Variants in ATP2B4 observed in about 807,000 individuals in gnomAD.
ATP2B4 encodes the protein ATPase plasma membrane Ca2+ transporting 4.
ATP2B4 carries 39 observed loss-of-function variants against 110.3 expected under a neutral mutation model. That is an observed-to-expected ratio of 0.35 (90% confidence interval 0.27 to 0.46). ATP2B4 has a LOEUF of 0.46. Among genes scored for constraint, ATP2B4 ranks in the 20% least tolerant of loss-of-function variants. The probability of loss-of-function intolerance (pLI) is 1.00; values close to 1 mark genes in which losing one functional copy is unlikely to be tolerated. For synonymous variants in ATP2B4, 538 were observed against 571.7 expected (o/e 0.94, Z 0.84); for missense variants, 1,135 against 1,530.9 (o/e 0.74, Z 4.32).
rs1181425567 is a variant in ATP2B4 at position 203,629,108 on chromosome 1, GA to G, written c.-465+1890del. Among the ~76,000 whole-genome samples the G allele has an allele frequency of 6.6e-6, 1 of 152,178 alleles. No individual in the cohort carries two copies. The highest frequency in any genetic ancestry group is 2.4e-5 in the African/African-American group (1 of 41,436). On this transcript the variant is annotated intron_variant, in intron 1 of 20. Coordinates refer to ENST00000357681, the MANE Select transcript of ATP2B4 (RefSeq NM_001684.5). The surrounding 1 kb of genome is among the most constrained non-coding windows in gnomAD (Gnocchi z 4.6). ...GAGGAGAGCTCATCTCGGGGCTGGG[GA>G]TGCAACAGGAACGATTTGATTTTCA...
At chr1:203,649,941 G>T (rs1170733325) in intron 1 of ATP2B4, among the ~76,000 whole-genome samples, 1 of 152,166 alleles carries the variant, frequency 6.6e-6, no homozygotes, top group Non-Finnish European at 1.5e-5. Flanking sequence ...GTGTGCTCCA[G>T]GTTACCTCCC....
intron 1 of ATP2B4, among the ~76,000 whole-genome samples, chr1:203,671,498 TC>T (rs1414559324): frequency 6.6e-6 from 1 of 152,146 alleles, no homozygotes; most frequent in Non-Finnish European, 1.5e-5. Flanking sequence ...CCCTTATTTC[TC>T]TTCTTCTTTG....
intron 1 of ATP2B4, among the ~76,000 whole-genome samples, chr1:203,670,566 A>G (rs966626322): frequency 6.6e-6 from 1 of 152,152 alleles, no homozygotes; most frequent in African/African-American, 2.4e-5. Flanking sequence ...CCTACACCCA[A>G]CAGTCCAGGA....
At chr1:203,724,580 A>G (rs1031854109) in intron 19 of ATP2B4, among the ~76,000 whole-genome samples, 9 of 148,312 alleles carry the variant, frequency 6.1e-5, no homozygotes, top group African/African-American at 2.2e-4. Context: ...TTTTCAATGG[A>G]ATTTTGCTAC....
In ATP2B4 at chr1:203,646,999, AT is replaced by A. The variant is rs201807856; in HGVS notation, c.-465+19789del. On this transcript the variant is annotated intron_variant, in intron 1 of 20. Coordinates refer to ENST00000357681, the MANE Select transcript of ATP2B4 (RefSeq NM_001684.5). ...CGTTGCATAATAAGATTTTGATTTA[AT>A]TTTTTTTTCCTACCCAATACTAGAT... 2.5e-3 allele frequency among the ~76,000 whole-genome samples: 375 copies of A among 151,558 alleles called. 3 individuals carry two copies. The East Asian group carries it at 0.038, about 15-fold the overall frequency.
rs371748501 is a variant in ATP2B4, at chr1:203,700,887, G to A, written c.865G>A (p.Val289Ile). The A allele has an allele frequency of 1.2e-6, 2 of 1,613,708 alleles. No homozygotes were observed. Among genetic ancestry groups the A allele is most frequent in the Non-Finnish European group, 1.7e-6 (2 of 1,179,746 alleles). ...QTGIILTLLG[V>I]NEDDEGEKKK... ...TGGAATCATCCTTACTCTCTTGGGG[G>A]TCAATGAGGATGACGAAGGGGAGAA... The change falls in exon 6 of 21, where the codon GTC becomes ATC. Residue 289 changes from valine (V) to isoleucine (I), a missense_variant. Physicochemically the swap from Val to Ile is conservative, Grantham distance 29. This residue lies in a region of ATP2B4 where 162 missense variants were observed against 210.5 expected (regional missense o/e 0.77). Coordinates refer to ENST00000357681, the MANE Select transcript of ATP2B4 (RefSeq NM_001684.5).
chr1:203,712,093 T>C lies in ATP2B4; in HGVS notation c.2165T>C (p.Leu722Ser), dbSNP rs781388524. The change falls in exon 13 of 21, where the codon TTA (leucine) becomes TCA (serine). Residue 722 changes from leucine (L) to serine (S), a missense_variant. Transcript: ENST00000357681. ...ACACCTGGGGATGACTTCCTGTGCT[T>C]AGAAGGCAAAGAATTCAACCGGCTC... ...ILTPGDDFLC[L>S]EGKEFNRLIR... The C allele has an allele frequency of 3.7e-6, 6 of 1,613,964 alleles. No individual in the cohort carries two copies. Among genetic ancestry groups the C allele is most frequent in the Non-Finnish European group, 5.1e-6 (6 of 1,180,012 alleles).
chr1:203,712,284 G>A, intron 13 of ATP2B4, 145 bp downstream of exon 13: 2 of 1,026,208 alleles, frequency 1.9e-6, no homozygotes, highest in East Asian at 2.6e-5. Context: ...GTACCAAACT[G>A]CTGATATGGT....
At position 203,699,501 on chromosome 1, in the gene ATP2B4, G is replaced by A. The variant is rs1486227246; in HGVS notation, c.433G>A (p.Ala145Thr). Reference sequence around the variant, plus strand: ...AACTACCCCAGAAGATGAAAATGAGGCACAAGCTGGCTGGATTGAGGGGGC... The same window carrying A: ...AACTACCCCAGAAGATGAAAATGAGACACAAGCTGGCTGGATTGAGGGGGC... ...VATTPEDENE[A>T]QAGWIEGAAI... is the part of the protein sequence containing the mutation. Residue 145 changes from alanine (A) to threonine (T), a missense_variant, in exon 4 of 21, where the codon GCA (alanine) becomes ACA (threonine). By Grantham distance (58) the Ala-to-Thr change is moderately conservative. This residue lies in a region of ATP2B4 where 101 missense variants were observed against 182.6 expected (regional missense o/e 0.55). Coordinates refer to ENST00000357681, the MANE Select transcript of ATP2B4 (RefSeq NM_001684.5). 18 of 1,614,074 alleles carry A rather than the reference G, an allele frequency of 1.1e-5. No individual in the cohort carries two copies. The highest frequency in any genetic ancestry group is 1.7e-5 in the Admixed American group (1 of 59,994).
At chr1:203,719,312 G>A (rs1006684918) in intron 15 of ATP2B4, among the ~76,000 whole-genome samples, 3 of 145,214 alleles carry the variant, frequency 2.1e-5, no homozygotes, top group Non-Finnish European at 4.5e-5. Context: ...ATACAAATCC[G>A]GCTTCCACCC....
intron 1 of ATP2B4, among the ~76,000 whole-genome samples, chr1:203,647,478 G>A (rs189101091): frequency 2.0e-5 from 3 of 151,952 alleles, no homozygotes; most frequent in East Asian, 1.9e-4. Context: ...AAAAACAAAC[G>A]GCTGGACACA....
intron 13 of ATP2B4, among the ~76,000 whole-genome samples, chr1:203,712,431 A>C (rs763050167): frequency 2.0e-5 from 3 of 151,996 alleles, no homozygotes; most frequent in Non-Finnish European, 2.9e-5. Context: ...TCTCTACCAA[A>C]AATACAAAAA....
At chr1:203,697,930 C>T (rs556758826) in intron 2 of ATP2B4, among the ~76,000 whole-genome samples, 2 of 152,160 alleles carry the variant, frequency 1.3e-5, no homozygotes, top group Admixed American at 1.3e-4. Flanking sequence ...GTCTCGAACT[C>T]CTAAACATAA....
At chr1:203,634,427 G>A (rs1264860230) in intron 1 of ATP2B4, among the ~76,000 whole-genome samples, 1 of 151,924 alleles carries the variant, frequency 6.6e-6, no homozygotes, top group Non-Finnish European at 1.5e-5. Context: ...GAACTCCTAG[G>A]CTCAAGCGAT....
At chr1:203,674,467 C>G (rs1170055695) in intron 1 of ATP2B4, among the ~76,000 whole-genome samples, 2 of 141,812 alleles carry the variant, frequency 1.4e-5, no homozygotes, top group African/African-American at 2.5e-5. Flanking sequence ...AGGGACTGCC[C>G]TTTCTCATCT....
Position 203,708,008 on chromosome 1 carries a change from C to T in ATP2B4, c.1461C>T (p.Tyr487=), listed in dbSNP as rs1665899722. Reference sequence around the variant, plus strand: ...AAGCTTATATTGGGGGCATCCATTACCGTCAAATCCCAAGCCCTGATGTCT... The same window carrying T: ...AAGCTTATATTGGGGGCATCCATTATCGTCAAATCCCAAGCCCTGATGTCT... The part of the protein sequence containing the change: ...VVQAYIGGIH[Y]RQIPSPDVFL... The change falls in exon 10 of 21, where the codon TAC becomes TAT. Residue 487 remains tyrosine (Y), a synonymous_variant. Transcript: ENST00000357681. 3 of 1,614,208 alleles carry T rather than the reference C, an allele frequency of 1.9e-6. No homozygotes were observed. The highest frequency in any genetic ancestry group is 2.2e-5 in the South Asian group (2 of 91,084).
At chr1:203,635,041 C>A (rs980449520) in intron 1 of ATP2B4, among the ~76,000 whole-genome samples, 29 of 152,080 alleles carry the variant, frequency 1.9e-4, no homozygotes, top group African/African-American at 5.6e-4. Context: ...ATGCTGCAAA[C>A]TCAGCTCACC....
intron 2 of ATP2B4, among the ~76,000 whole-genome samples, chr1:203,694,339 G>A: frequency 6.6e-6 from 1 of 152,210 alleles, no homozygotes; most frequent in East Asian, 1.9e-4. Flanking sequence ...GAAGACCTGT[G>A]GAGGGAAATG....
intron 1 of ATP2B4, among the ~76,000 whole-genome samples, chr1:203,671,401 A>G (rs891116563): frequency 6.6e-6 from 1 of 152,118 alleles, no homozygotes; most frequent in Non-Finnish European, 1.5e-5. Flanking sequence ...AGTTCAAGCA[A>G]TCCTCCCTCC....
Sources: allele counts gnomAD v4.1 joint callset (sites outside exome capture counted in the v4.1 genomes callset), GRCh38; gene constraint gnomAD v4.1.1; regional missense constraint gnomAD v4.1.1; non-coding constraint Gnocchi (gnomAD v3.1); transcripts MANE v1.5; gene names NCBI Gene and HGNC (gene_info 2026-07-23, HGNC 2026-07-21).